The following PADI6 variants were observed in gnomAD, a reference collection of about 807,000 sequenced individuals.
PADI6 encodes peptidyl arginine deiminase 6, also known as inactive protein-arginine deiminase type-6.
A neutral mutation model predicts 78.2 loss-of-function variants in PADI6; 66 were observed. That is an observed-to-expected ratio of 0.84 (90% CI 0.69 to 1.04). The LOEUF is 1.04. Ranked by LOEUF, PADI6 falls within the 50% of genes least tolerant of loss-of-function variation. PADI6 has a pLI of 0.00. For missense variants in PADI6, 854 were observed against 866.1 expected (o/e 0.99, Z 0.18); for synonymous variants, 397 against 346.9 (o/e 1.14, Z -1.60).
chr1:17,395,720 C>G, intron 13 of PADI6, 57 bp downstream of exon 13: 3 of 1,557,622 alleles, frequency 1.9e-6, no homozygotes, highest in Non-Finnish European at 2.6e-6. Context: ...TCCAGGGGTC[C>G]TTTCTACATA....
Position 17,373,179 on chromosome 1 carries a change from C to T in PADI6, c.240C>T (p.Pro80=), listed in dbSNP as rs768158738. The T allele has an allele frequency of 8.7e-6, 14 of 1,613,882 alleles. No individual in the cohort carries two copies. The highest frequency in any genetic ancestry group is 1.3e-5 in the African/African-American group (1 of 74,936). Residue 80 remains proline (P), a synonymous_variant, in exon 2 of 16, where the codon CCC becomes CCT. Transcript: ENST00000619609. ...DATIWWPLSD[P]TYATVKMTSP... ...CCATCTGGTGGCCCCTGTCTGATCC[C>T]ACGTACGCCACAGTGAAGATGACAT...
At chr1:17,387,173 G>C (rs1340373733) in intron 6 of PADI6, among the ~76,000 whole-genome samples, 1 of 152,224 alleles carries the variant, frequency 6.6e-6, no homozygotes, top group East Asian at 1.9e-4. Flanking sequence ...GCTGGGCACA[G>C]TGGCTCACGA....
At chr1:17,398,946 A>T in intron 15 of PADI6, 99 bp downstream of exon 15, 1 of 1,317,336 alleles carries the variant, frequency 7.6e-7, no homozygotes, top group Non-Finnish European at 1.1e-6. Context: ...TGGACAGCAG[A>T]TAACGGTACC....
Position 17,394,328 on chromosome 1 carries a change from A to G in PADI6, c.1211A>G (p.Asp404Gly). 1.2e-6 allele frequency: 2 copies of G among 1,613,902 alleles called. No homozygotes were observed. The highest frequency in any genetic ancestry group is 1.7e-6 in the Non-Finnish European group (2 of 1,179,866). ...LSPGIGYMIQ[D>G]TEDHKVASMD... ...CCTGGTATTGGCTACATGATCCAGG[A>G]CACTGAGGACCATAAAGTGGCCAGC... Residue 404 changes from aspartate (D) to glycine (G), a missense_variant, in exon 11 of 16, where the codon GAC becomes GGC. Coordinates refer to ENST00000619609, the MANE Select transcript of PADI6 (RefSeq NM_207421.4).
chr1:17,393,213 G>C (rs2075207039), intron 9 of PADI6, among the ~76,000 whole-genome samples: 1 of 152,152 alleles, frequency 6.6e-6, no homozygotes, highest in Non-Finnish European at 1.5e-5. Flanking sequence ...AGATCACAGT[G>C]AACAAAGGTG....
chr1:17,397,898 G>A (rs760184907), intron 14 of PADI6, among the ~76,000 whole-genome samples: 14 of 152,096 alleles, frequency 9.2e-5, no homozygotes, highest in Non-Finnish European at 1.5e-4. Context: ...CCTCACTTCC[G>A]AGAAGCTGAG....
At chr1:17,395,236 C>T (rs1364747935) in intron 12 of PADI6, 129 bp downstream of exon 12, 8 of 1,265,860 alleles carry the variant, frequency 6.3e-6, no homozygotes, top group South Asian at 1.5e-5. Context: ...GAGAGTCTTG[C>T]TCTGTCACCC....
chr1:17,388,556 C>T lies in PADI6; in HGVS notation c.855C>T (p.Asp285=), dbSNP rs2075150005. 6.2e-7 allele frequency: 1 copy of T among 1,605,988 alleles called. No homozygotes were observed. Among genetic ancestry groups the T allele is most frequent in the African/African-American group, 1.3e-5 (1 of 74,756 alleles). ...YSVSLVEESQ[D]PSIPETVLYK... ...TGTCCCTGGTGGAGGAGTCTCAAGA[C>T]CCGGTATGTCCCCATAATAGATGGG... Residue 285 remains aspartate (D), a synonymous_variant, in exon 7 of 16, where the codon GAC becomes GAT. Coordinates refer to ENST00000619609, the MANE Select transcript of PADI6 (RefSeq NM_207421.4).
At chr1:17,382,158 C>T (rs1436622539) in intron 6 of PADI6, 66 bp downstream of exon 6, 1 of 1,577,008 alleles carries the variant, frequency 6.3e-7, no homozygotes, top group Admixed American at 1.8e-5. Flanking sequence ...TGTGCCCACA[C>T]CTCCTCCCAG....
In PADI6 at chr1:17,401,190, C is replaced by T; in HGVS notation, c.1852-15C>T. ...GATCCCTGTCCAGGCCTCACCCACC[C>T]TGTCTTTCTAACAGTTGCGGATGAT... On this transcript the variant is annotated splice_polypyrimidine_tract_variant and intron_variant, in intron 15 of 15. Coordinates refer to ENST00000619609, the MANE Select transcript of PADI6 (RefSeq NM_207421.4). The T allele has an allele frequency of 6.2e-7, 1 of 1,612,594 alleles. No individual in the cohort carries two copies. Among genetic ancestry groups the T allele is most frequent in the Middle Eastern group, 1.7e-4 (1 of 6,054 alleles).
intron 9 of PADI6, among the ~76,000 whole-genome samples, chr1:17,393,150 A>G (rs1198370427): frequency 3.3e-5 from 5 of 151,140 alleles, no homozygotes; most frequent in East Asian, 3.9e-4. Flanking sequence ...TCTCAAAAGA[A>G]AAAAAAAAAT....
chr1:17,399,886 A>G (rs935292902), intron 15 of PADI6, among the ~76,000 whole-genome samples: 10 of 151,872 alleles, frequency 6.6e-5, no homozygotes, highest in African/African-American at 2.2e-4. Flanking sequence ...AATACAAAAA[A>G]CTAGCTGGGT....
intron 3 of PADI6, among the ~76,000 whole-genome samples, chr1:17,379,618 G>A (rs74058759): frequency 0.011 from 1,675 of 152,264 alleles, 35 homozygotes; most frequent in African/African-American, 0.037. Context: ...GGTAGACTTT[G>A]CAAGTAAGAA....
Position 17,388,418 on chromosome 1 carries a change from C to T in PADI6, c.717C>T (p.Pro239=), listed in dbSNP as rs777541552. The change falls in exon 7 of 16, where the codon CCC becomes CCT. Residue 239 remains proline, a synonymous_variant. Transcript: ENST00000619609. ...NSSTFELVLG[P]DQHAYTLALL... is the part of the protein sequence containing the mutation. ...GTACCTTTGAGTTGGTGCTGGGGCC[C>T]GACCAGCACGCCTATACCTTGGCCC... 32 of 1,613,534 alleles carry T rather than the reference C, an allele frequency of 2.0e-5. No individual in the cohort carries two copies. In the Admixed American group the frequency reaches 2.5e-4, roughly 13 times the overall value.
At chr1:17,377,126 C>A (rs547678989) in intron 3 of PADI6, among the ~76,000 whole-genome samples, 1 of 152,150 alleles carries the variant, frequency 6.6e-6, no homozygotes, top group African/African-American at 2.4e-5. Context: ...AGGCACGCAC[C>A]ACCATGCCCA....
At position 17,373,192 on chromosome 1, in the gene PADI6, G is replaced by C. The variant is rs2074980603; in HGVS notation, c.253G>C (p.Val85Leu). 6.2e-7 allele frequency: 1 copy of C among 1,614,032 alleles called. No homozygotes were observed. Among genetic ancestry groups the C allele is most frequent in the African/African-American group, 1.3e-5 (1 of 75,068 alleles). The change falls in exon 2 of 16, where the codon GTG becomes CTG. Residue 85 changes from valine (V) to leucine (L), a missense_variant. Transcript: ENST00000619609. ...CCTGTCTGATCCCACGTACGCCACA[G>C]TGAAGATGACATCGCCCAGCCCTTC... The part of the protein sequence containing the change: ...WPLSDPTYAT[V>L]KMTSPSPSVD...
At chr1:17,380,751 C>T (rs551684723) in intron 4 of PADI6, among the ~76,000 whole-genome samples, 8 of 152,268 alleles carry the variant, frequency 5.3e-5, no homozygotes, top group South Asian at 2.1e-4. Flanking sequence ...GAGGATTAGC[C>T]GCTGCTGCCA....
Position 17,398,795 on chromosome 1 carries a change from C to T in PADI6, c.1799C>T (p.Pro600Leu). The T allele has an allele frequency of 6.2e-7, 1 of 1,613,298 alleles. No individual in the cohort carries two copies. Residue 600 changes from proline (P) to leucine (L), a missense_variant, in exon 15 of 16, where the codon CCC (proline) becomes CTC (leucine). Pro to Leu is a moderately conservative substitution (Grantham distance 98, BLOSUM62 -3). Coordinates refer to ENST00000619609, the MANE Select transcript of PADI6 (RefSeq NM_207421.4). ...LFCLEKLTNIPSDQQPKRSFA... is the reference protein window; with the variant it reads ...LFCLEKLTNILSDQQPKRSFA... ...TGCTTGGAGAAGCTGACTAACATCC[C>T]CTCTGACCAGCAGCCCAAGAGGTCC...
chr1:17,395,199 G>GT (rs35197313), intron 12 of PADI6, 92 bp downstream of exon 12: 47,208 of 1,247,994 alleles, frequency 0.038, 23 homozygotes, highest in East Asian at 0.054. Flanking sequence ...GCTTTTTCTT[G>GT]TTTTTTTTTT....
Sources: allele counts gnomAD v4.1 joint callset (sites outside exome capture counted in the v4.1 genomes callset), GRCh38; gene constraint gnomAD v4.1.1; transcripts MANE v1.5; gene names NCBI Gene and HGNC (gene_info 2026-07-23, HGNC 2026-07-21).